Variants in ATF7IP observed in about 807,000 individuals in gnomAD.
ATF7IP encodes the protein activating transcription factor 7-interacting protein 1.
A neutral mutation model predicts 106.4 loss-of-function variants in ATF7IP; 23 were observed. That is an observed-to-expected ratio of 0.22 (90% CI 0.16 to 0.31). ATF7IP has a LOEUF of 0.31. ATF7IP is among the 10% of genes least tolerant of loss of function. The pLI is 1.00. For missense variants in ATF7IP, 1,334 were observed against 1,524.3 expected (o/e 0.88, Z 2.08); for synonymous variants, 542 against 539.0 (o/e 1.01, Z -0.08).
chr12:14,425,504 T>G (rs777702573), intron 2 of ATF7IP, 31 bp downstream of exon 2: 5 of 1,489,760 alleles, frequency 3.4e-6, no homozygotes, highest in African/African-American at 1.4e-5. Flanking sequence ...TTAAAGATTT[T>G]TTATTGACTT....
chr12:14,436,070 A>C, intron 3 of ATF7IP, 36 bp from the exon 4 acceptor site: 1 of 1,602,386 alleles, frequency 6.2e-7, no homozygotes, highest in South Asian at 1.1e-5. Flanking sequence ...TATAAGAAAA[A>C]CACCTGAGTG....
chr12:14,474,605 T>C (rs1944190686), intron 10 of ATF7IP, among the ~76,000 whole-genome samples: 1 of 152,128 alleles, frequency 6.6e-6, no homozygotes, highest in Non-Finnish European at 1.5e-5. Flanking sequence ...TTCACTATAT[T>C]GGCCAGGCTG....
At chr12:14,447,351 G>C (rs1400863383) in intron 6 of ATF7IP, among the ~76,000 whole-genome samples, 1 of 140,396 alleles carries the variant, frequency 7.1e-6, no homozygotes, top group African/African-American at 2.7e-5. Flanking sequence ...GCACCATCTT[G>C]GTTCACTGCA....
At chr12:14,493,805 G>A (rs1044870351) in intron 13 of ATF7IP, among the ~76,000 whole-genome samples, 6 of 152,034 alleles carry the variant, frequency 3.9e-5, no homozygotes, top group East Asian at 1.9e-4. Context: ...CAACTTCAGC[G>A]CTCTCTCTAC....
chr12:14,473,396 G>A (rs907834781), intron 10 of ATF7IP, among the ~76,000 whole-genome samples: 2 of 151,446 alleles, frequency 1.3e-5, no homozygotes, highest in Non-Finnish European at 2.9e-5. Flanking sequence ...GCAATTTTAT[G>A]TGTACATTTA....
chr12:14,426,883 T>C (rs1243938478), intron 2 of ATF7IP, among the ~76,000 whole-genome samples: 2 of 136,856 alleles, frequency 1.5e-5, no homozygotes, highest in Non-Finnish European at 3.2e-5. Flanking sequence ...AGCATTCAAC[T>C]AAACCTATAT....
At chr12:14,392,336 T>G (rs1401163469) in intron 1 of ATF7IP, among the ~76,000 whole-genome samples, 1 of 152,070 alleles carries the variant, frequency 6.6e-6, no homozygotes, top group African/African-American at 2.4e-5. Context: ...GAGGGCGTAT[T>G]TAGGGGCCTG....
chr12:14,445,280 C>T (rs1375341953), intron 5 of ATF7IP, among the ~76,000 whole-genome samples: 4 of 152,046 alleles, frequency 2.6e-5, no homozygotes, highest in Non-Finnish European at 4.4e-5. Flanking sequence ...TGAGCCACTG[C>T]GCCTGGCCCA....
chr12:14,475,958 A>C lies in ATF7IP; in HGVS notation c.2931A>C (p.Gly977=). 1 of 1,613,126 alleles carries C rather than the reference A, an allele frequency of 6.2e-7. No individual in the cohort carries two copies. The highest frequency in any genetic ancestry group is 8.5e-7 in the Non-Finnish European group (1 of 1,179,132). ...IDLTMDDEES[G]ASQDPKKLNH... is the part of the protein sequence containing the mutation. ...TCACAATGGATGATGAAGAGAGTGG[A>C]GCTTCACAAGGTACTTCAATAGTAA... The change falls in exon 11 of 15, where the codon GGA becomes GGC. Residue 977 remains glycine, a synonymous_variant. Transcript: ENST00000261168.
chr12:14,434,877 G>GT (rs1248816038), intron 3 of ATF7IP, among the ~76,000 whole-genome samples: 2 of 152,146 alleles, frequency 1.3e-5, no homozygotes, highest in Non-Finnish European at 2.9e-5. Context: ...CTTGAGGCCA[G>GT]TAATGCAAGA....
chr12:14,488,958 T>TA (rs1944719442), intron 13 of ATF7IP, among the ~76,000 whole-genome samples: 2 of 152,222 alleles, frequency 1.3e-5, no homozygotes, highest in Admixed American at 1.3e-4. Flanking sequence ...TCATGACAAT[T>TA]ACAGTCCCCA....
rs369436730 is a variant in ATF7IP at position 14,468,379 on chromosome 12, G to A, written c.2862+1789G>A. 5.3e-5 allele frequency among the ~76,000 whole-genome samples: 8 copies of A among 151,072 alleles called. 1 individual carries two copies. Among genetic ancestry groups the A allele is most frequent in the Middle Eastern group, 6.8e-3 (2 of 292 alleles). ...CTTGAGGTGGGGTGTAGTGGCTCAC[G>A]TCTATAATCCCGGCACTTTGGGAGG... On this transcript the variant is annotated intron_variant, in intron 10 of 14. Transcript: ENST00000261168.
chr12:14,461,303 A>G (rs1043621774), intron 9 of ATF7IP, among the ~76,000 whole-genome samples, 170 bp downstream of exon 9: 3 of 152,186 alleles, frequency 2.0e-5, no homozygotes, highest in African/African-American at 4.8e-5. Flanking sequence ...GATGTTGCTA[A>G]AATGGGGCTT....
chr12:14,413,701 T>C lies in ATF7IP; in HGVS notation c.-7-10208T>C, dbSNP rs573561911. Among the ~76,000 whole-genome samples the C allele has an allele frequency of 1.2e-4, 19 of 152,312 alleles. No homozygotes were observed. The South Asian group carries it at 3.7e-3, about 30-fold the overall frequency. ...AATGAGAAAAGGATATGTTTTGTTATAGTGACTCACATATATTATTCCTCG... is the reference window on the plus strand; with the variant it reads ...AATGAGAAAAGGATATGTTTTGTTACAGTGACTCACATATATTATTCCTCG... On this transcript the variant is annotated intron_variant, in intron 1 of 14. Coordinates refer to ENST00000261168, the MANE Select transcript of ATF7IP (RefSeq NM_018179.5).
rs1944132495 is a variant in ATF7IP, at chr12:14,473,318, G to GTGTGTC, written c.2863-2567_2863-2566insCTGTGT. Among the ~76,000 whole-genome samples the GTGTGTC allele has an allele frequency of 2.6e-5, 4 of 151,642 alleles. 1 individual carries two copies. In the South Asian group the frequency reaches 8.3e-4, roughly 32 times the overall value. ...TGTGTGTGTGTGTGTGTGTGTGTGT[G>GTGTGTC]TGTGTGTGTGTTTTAGGGGTTGTTC... On this transcript the variant is annotated intron_variant, in intron 10 of 14. Coordinates refer to ENST00000261168, the MANE Select transcript of ATF7IP (RefSeq NM_018179.5).
At chr12:14,437,425 C>T (rs1416549075) in intron 4 of ATF7IP, among the ~76,000 whole-genome samples, 1 of 152,036 alleles carries the variant, frequency 6.6e-6, no homozygotes, top group Non-Finnish European at 1.5e-5. Flanking sequence ...AATGCTTATT[C>T]AGTCTTTCTT....
chr12:14,378,232 G>A (rs1170015638), intron 1 of ATF7IP, among the ~76,000 whole-genome samples: 1 of 151,862 alleles, frequency 6.6e-6, no homozygotes, highest in Non-Finnish European at 1.5e-5. Flanking sequence ...CGAGTGGCTG[G>A]TATTACAGGC....
At chr12:14,406,863 A>G (rs1160809624) in intron 1 of ATF7IP, among the ~76,000 whole-genome samples, 1 of 152,130 alleles carries the variant, frequency 6.6e-6, no homozygotes, top group Non-Finnish European at 1.5e-5. Context: ...AAGTGCTAGG[A>G]TTACAGGCGT....
chr12:14,478,781 CTG>C (rs1944342232), intron 12 of ATF7IP, among the ~76,000 whole-genome samples: 1 of 152,118 alleles, frequency 6.6e-6, no homozygotes, highest in Non-Finnish European at 1.5e-5. Flanking sequence ...TATTTAGAAA[CTG>C]TAAACCATAT....
Sources: gnomAD v4.1 joint callset for allele counts (sites outside exome capture counted in the v4.1 genomes callset) on GRCh38, gnomAD v4.1.1 for gene constraint, MANE v1.5 for transcripts, NCBI Gene and HGNC (gene_info 2026-07-23, HGNC 2026-07-21) for gene names.